Variants in ROBO2 observed in about 807,000 individuals in gnomAD.
ROBO2 encodes roundabout homolog 2.
ROBO2 carries 53 observed loss-of-function variants against 160.8 expected under a neutral mutation model. That is an observed-to-expected ratio of 0.33 (90% CI 0.26 to 0.41). The LOEUF (loss-of-function observed/expected upper bound fraction) is 0.41, where lower values mean the gene tolerates loss of function less well. Ranked by LOEUF, ROBO2 falls within the 10% of genes least tolerant of loss-of-function variation. The probability of loss-of-function intolerance (pLI) is 1.00; values close to 1 mark genes in which losing one functional copy is unlikely to be tolerated. For synonymous variants in ROBO2, 664 were observed against 611.7 expected, an observed-to-expected ratio of 1.09 and a Z score of -1.26; for missense variants, 1,577 against 1,722.4, an observed-to-expected ratio of 0.92 and a Z score of 1.49.
intron 2 of ROBO2, among the ~76,000 whole-genome samples, chr3:77,106,626 T>C (rs1238270045): frequency 1.3e-5 from 2 of 152,180 alleles, no homozygotes; most frequent in African/African-American, 4.8e-5. Flanking sequence ...AGGTGAAGTT[T>C]TGTTTAACTA....
intron 2 of ROBO2, among the ~76,000 whole-genome samples, chr3:76,160,474 G>A (rs1284552946): frequency 6.6e-6 from 1 of 152,106 alleles, no homozygotes; most frequent in Non-Finnish European, 1.5e-5. Context: ...TCCCCATTAG[G>A]ACATGTACAA....
intron 2 of ROBO2, among the ~76,000 whole-genome samples, chr3:77,371,587 G>A (rs2071762402): frequency 6.6e-6 from 1 of 152,188 alleles, no homozygotes; most frequent in African/African-American, 2.4e-5. Flanking sequence ...GGCAAATTTT[G>A]ATTCTTATAA....
Position 77,370,976 on chromosome 3 carries a change from G to T in ROBO2, c.389-106438G>T, listed in dbSNP as rs539666448. 4.6e-5 allele frequency among the ~76,000 whole-genome samples: 7 copies of T among 152,296 alleles called. No individual in the cohort carries two copies. The East Asian group carries it at 1.4e-3, about 29-fold the overall frequency. On this transcript the variant is annotated intron_variant, in intron 2 of 25. Coordinates refer to ENST00000461745, the Ensembl canonical transcript of ROBO2. Reference sequence around the variant, plus strand: ...CTGACGTCTTTGCAGTTGTCGTATAGTTCGGTCTTCAAGGGGTGGAAAGTT... The same window carrying T: ...CTGACGTCTTTGCAGTTGTCGTATATTTCGGTCTTCAAGGGGTGGAAAGTT...
At chr3:76,057,147 C>T (rs962310008) in intron 2 of ROBO2, among the ~76,000 whole-genome samples, 16 of 152,076 alleles carry the variant, frequency 1.1e-4, no homozygotes, top group Non-Finnish European at 2.1e-4. Context: ...TATCTCTCAC[C>T]TTCTAAGACC....
At chr3:76,473,471 A>T (rs1488154039) in intron 2 of ROBO2, among the ~76,000 whole-genome samples, 1 of 152,186 alleles carries the variant, frequency 6.6e-6, no homozygotes, top group Admixed American at 6.6e-5. Context: ...AATAGAATAG[A>T]ATTTCTGTCT....
chr3:75,912,669 G>T (rs1462984915), intron 1 of ROBO2, among the ~76,000 whole-genome samples: 1 of 152,122 alleles, frequency 6.6e-6, no homozygotes, highest in Non-Finnish European at 1.5e-5. Context: ...ACGTGTAGCT[G>T]CGTGGAATTA....
chr3:76,941,070 A>C (rs191212695), intron 2 of ROBO2, among the ~76,000 whole-genome samples: 135 of 150,198 alleles, frequency 9.0e-4, no homozygotes, highest in Non-Finnish European at 1.5e-3. Context: ...CTTTCCCCCA[A>C]AGTCTAAAGC....
intron 2 of ROBO2, among the ~76,000 whole-genome samples, chr3:76,217,713 A>G (rs1183612545): frequency 3.9e-5 from 6 of 152,344 alleles, no homozygotes; most frequent in Admixed American, 3.9e-4. Context: ...ATGGATATAC[A>G]GCGGAATTCT....
intron 2 of ROBO2, among the ~76,000 whole-genome samples, chr3:76,033,580 A>G (rs775445443): frequency 9.9e-5 from 15 of 152,268 alleles, no homozygotes; most frequent in Middle Eastern, 3.4e-3. Flanking sequence ...TTTACTACTC[A>G]TTGTTATTTA....
At chr3:76,596,858 G>C (rs531855333) in intron 2 of ROBO2, among the ~76,000 whole-genome samples, 2 of 151,938 alleles carry the variant, frequency 1.3e-5, no homozygotes, top group Non-Finnish European at 2.9e-5. Context: ...GCAAATCTCT[G>C]TTAATGGCTT....
At chr3:76,553,770 G>A (rs1440991753) in intron 2 of ROBO2, among the ~76,000 whole-genome samples, 2 of 152,098 alleles carry the variant, frequency 1.3e-5, no homozygotes. Flanking sequence ...GATGGGGGTG[G>A]TTACAGTAAA....
At chr3:76,132,098 G>C (rs1419351557) in intron 2 of ROBO2, among the ~76,000 whole-genome samples, 1 of 152,046 alleles carries the variant, frequency 6.6e-6, no homozygotes, top group Non-Finnish European at 1.5e-5. Flanking sequence ...GTCAGTGTAT[G>C]GTCATACTCG....
At chr3:76,855,018 G>A (rs953630852) in intron 2 of ROBO2, among the ~76,000 whole-genome samples, 1 of 152,144 alleles carries the variant, frequency 6.6e-6, no homozygotes, top group Non-Finnish European at 1.5e-5. Flanking sequence ...TCCAGGAAAT[G>A]TTATGTTTTT....
chr3:76,801,844 T>C (rs974873892), intron 2 of ROBO2, among the ~76,000 whole-genome samples: 1 of 152,210 alleles, frequency 6.6e-6, no homozygotes, highest in Non-Finnish European at 1.5e-5. Context: ...GTGAGCAACA[T>C]GTGACTCCTT....
At chr3:76,904,059 A>AT (rs904938098) in intron 2 of ROBO2, among the ~76,000 whole-genome samples, 6 of 151,826 alleles carry the variant, frequency 4.0e-5, no homozygotes, top group South Asian at 2.1e-4. Flanking sequence ...CTTAAGGATA[A>AT]TTTTTTTTTG....
intron 2 of ROBO2, among the ~76,000 whole-genome samples, chr3:77,377,251 A>G (rs979645440): frequency 6.6e-6 from 1 of 152,218 alleles, no homozygotes; most frequent in African/African-American, 2.4e-5. Context: ...ATAAGCAATA[A>G]AAATTATCTT....
At chr3:75,976,099 T>C (rs1371451857) in intron 2 of ROBO2, among the ~76,000 whole-genome samples, 1 of 151,594 alleles carries the variant, frequency 6.6e-6, no homozygotes, top group Non-Finnish European at 1.5e-5. Flanking sequence ...GAGAGAATAG[T>C]GTCAGTATCC....
intron 2 of ROBO2, among the ~76,000 whole-genome samples, chr3:77,237,411 T>TTGTGTG (rs71104662): frequency 0.033 from 4,328 of 131,054 alleles, 206 homozygotes; most frequent in African/African-American, 0.1. Context: ...TTGTTTTGTT[T>TTGTGTG]TGTGTGTGTG....
At chr3:76,127,412 C>G (rs1387171459) in intron 2 of ROBO2, among the ~76,000 whole-genome samples, 1 of 151,926 alleles carries the variant, frequency 6.6e-6, no homozygotes, top group Non-Finnish European at 1.5e-5. Flanking sequence ...AATGGCATCA[C>G]TGAAAGCAAA....
Sources: allele counts gnomAD v4.1 joint callset (sites outside exome capture counted in the v4.1 genomes callset), GRCh38; gene constraint gnomAD v4.1.1; transcripts MANE v1.5; gene names NCBI Gene and HGNC (gene_info 2026-07-23, HGNC 2026-07-21).